EYS: variants seen among roughly 807,000 people sequenced by gnomAD.
EYS encodes EGF-like photoreceptor maintenance factor.
A neutral mutation model predicts 282.1 loss-of-function variants in EYS; 250 were observed. The observed-to-expected ratio is 0.89, with a 90% confidence interval of 0.80 to 0.98. EYS has a LOEUF of 0.98. Ranked by LOEUF, EYS falls within the 50% of genes least tolerant of loss-of-function variation. The probability of loss-of-function intolerance (pLI) is 0.00; values close to 1 mark genes in which losing one functional copy is unlikely to be tolerated. For synonymous variants in EYS, 1,355 were observed against 1,282.9 expected (o/e 1.06, Z -1.20); for missense variants, 4,016 against 3,709.0 (o/e 1.08, Z -2.15).
intron 1 of EYS, among the ~76,000 whole-genome samples, chr6:65,676,398 G>T (rs749026547): frequency 2.0e-5 from 3 of 151,812 alleles, no homozygotes; most frequent in Non-Finnish European, 2.9e-5. Flanking sequence ...TGATGCCACA[G>T]AAATTAAGAT....
intron 7 of EYS, among the ~76,000 whole-genome samples, chr6:65,393,615 C>T (rs901120767): frequency 6.6e-6 from 1 of 152,098 alleles, no homozygotes; most frequent in Non-Finnish European, 1.5e-5. Flanking sequence ...ACAGTGCATA[C>T]TTAGTTAGTT....
intron 33 of EYS, among the ~76,000 whole-genome samples, chr6:64,053,784 G>T (rs1476133231): frequency 6.6e-6 from 1 of 152,030 alleles, no homozygotes. Context: ...ATTTAACCTT[G>T]AAGGCCCTCT....
At chr6:64,934,280 T>A in intron 15 of EYS, among the ~76,000 whole-genome samples, 1 of 150,194 alleles carries the variant, frequency 6.7e-6, no homozygotes, top group East Asian at 2.0e-4. Context: ...AAAAAATAAA[T>A]AAATGAGTAG....
intron 28 of EYS, among the ~76,000 whole-genome samples, chr6:64,402,139 T>C (rs1265232350): frequency 2.6e-5 from 4 of 152,164 alleles, no homozygotes; most frequent in African/African-American, 4.8e-5. Flanking sequence ...TAAGACTTTA[T>C]CTAAGATCCA....
chr6:64,196,997 T>C (rs975638181), intron 31 of EYS, among the ~76,000 whole-genome samples: 1 of 152,166 alleles, frequency 6.6e-6, no homozygotes, highest in African/African-American at 2.4e-5. Context: ...TTTTGCAAGT[T>C]TTAAGTGTTT....
In EYS at chr6:65,077,449, T is replaced by A. The variant is rs147214727; in HGVS notation, c.2024-19722A>T. 5.6e-4 allele frequency among the ~76,000 whole-genome samples: 85 copies of A among 152,228 alleles called. 1 individual carries two copies. The South Asian group carries it at 7.5e-3, about 13-fold the overall frequency. On this transcript the variant is annotated intron_variant, in intron 12 of 42. Coordinates refer to ENST00000503581, the MANE Select transcript of EYS (RefSeq NM_001142800.2). The stretch of plus-strand genomic sequence containing the variant: ...AGGCACTGAAGAAAACGCTCTAGGT[T>A]TATAATGAAATTGCATGGTATTAAG...
At chr6:64,998,171 C>T (rs1771338415) in intron 13 of EYS, among the ~76,000 whole-genome samples, 1 of 152,144 alleles carries the variant, frequency 6.6e-6, no homozygotes, top group Non-Finnish European at 1.5e-5. Flanking sequence ...TGATAATGAG[C>T]TACTTAAGCC....
chr6:64,842,797 CA>C (rs1765602124), intron 19 of EYS, among the ~76,000 whole-genome samples: 1 of 152,004 alleles, frequency 6.6e-6, no homozygotes, highest in Non-Finnish European at 1.5e-5. Context: ...AGCGTTCAAG[CA>C]GTGACTTGGG....
At chr6:65,244,183 T>C (rs1378306332) in intron 12 of EYS, among the ~76,000 whole-genome samples, 4 of 152,228 alleles carry the variant, frequency 2.6e-5, no homozygotes, top group Admixed American at 2.6e-4. Context: ...GAACAGATTA[T>C]ACAACTTTTT....
chr6:64,476,709 A>G lies in EYS; in HGVS notation c.5645-37357T>C, dbSNP rs192205152. Among the ~76,000 whole-genome samples, 4 of 152,238 alleles carry G rather than the reference A, an allele frequency of 2.6e-5. No individual in the cohort carries two copies. The East Asian group carries it at 7.7e-4, about 29-fold the overall frequency. On this transcript the variant is annotated intron_variant, in intron 26 of 42. Coordinates refer to ENST00000503581, the MANE Select transcript of EYS (RefSeq NM_001142800.2). ...AGCCAATGTCAATTTAAAATAATTT[A>G]TTTCCTTCAAAGATATTTAAATATG...
rs533819234 is a variant in EYS, at chr6:64,853,984, C to A, written c.2993-31162G>T. On this transcript the variant is annotated intron_variant, in intron 19 of 42. Transcript: ENST00000503581. ...CAAAATAAGACATTTATGCAGCCAA[C>A]AGACACATGAAAAAATGCTCATCAT... Among the ~76,000 whole-genome samples the A allele has an allele frequency of 6.1e-3, 933 of 152,042 alleles. 4 individuals carry two copies. The highest frequency in any genetic ancestry group is 8.7e-3 in the Non-Finnish European group (594 of 67,980).
At position 65,542,351 on chromosome 6, in the gene EYS, T is replaced by G. The variant is rs545909570; in HGVS notation, c.-332-46358A>C. The stretch of plus-strand genomic sequence containing the variant: ...TTTACAATATACCATTAAATTTGTA[T>G]TTGAGTGAACATTGTATAACCACCA... On this transcript the variant is annotated intron_variant, in intron 2 of 42. Coordinates refer to ENST00000503581, the MANE Select transcript of EYS (RefSeq NM_001142800.2). 2.0e-5 allele frequency among the ~76,000 whole-genome samples: 3 copies of G among 152,256 alleles called. No homozygotes were observed. In the East Asian group the frequency reaches 5.8e-4, roughly 29 times the overall value.
chr6:64,151,317 TTATATATATATA>T (rs61575285), intron 31 of EYS, among the ~76,000 whole-genome samples: 924 of 52,446 alleles, frequency 0.018, 14 homozygotes, highest in Admixed American at 0.022. Context: ...GTGTGTATAT[TTATATATATATA>T]TATATATATA....
At chr6:64,101,847 TTTCCTGCAACTAGATGG>T (rs537139716) in intron 31 of EYS, among the ~76,000 whole-genome samples, 44 of 152,124 alleles carry the variant, frequency 2.9e-4, no homozygotes, top group African/African-American at 1.0e-3. Context: ...CTGAGCTTGT[TTTCCTGCAACTAGATGG>T]TCCCATCTGG....
intron 2 of EYS, among the ~76,000 whole-genome samples, chr6:65,621,909 A>C (rs185646274): frequency 1.2e-4 from 18 of 152,336 alleles, no homozygotes; most frequent in Admixed American, 1.1e-3. Context: ...GTTAATTAAC[A>C]GGTGTTTATA....
chr6:65,608,671 A>G (rs1765887842), intron 2 of EYS, among the ~76,000 whole-genome samples: 1 of 152,076 alleles, frequency 6.6e-6, no homozygotes, highest in Non-Finnish European at 1.5e-5. Context: ...ACCGTAAAAA[A>G]TATGTTCTTG....
chr6:64,661,363 C>A (rs36172067), intron 22 of EYS, among the ~76,000 whole-genome samples: 97,206 of 151,884 alleles, frequency 0.64, 31,326 homozygotes, highest in African/African-American at 0.71. Flanking sequence ...AAAGCAATGG[C>A]AACAAAAGCC....
chr6:65,704,547 T>C (rs1769805593), intron 1 of EYS, among the ~76,000 whole-genome samples: 1 of 152,210 alleles, frequency 6.6e-6, no homozygotes, highest in South Asian at 2.1e-4. Context: ...TCTTCAGACT[T>C]TGATGTGGTT....
intron 37 of EYS, among the ~76,000 whole-genome samples, chr6:63,803,490 G>A (rs896463361): frequency 1.3e-5 from 2 of 152,108 alleles, no homozygotes; most frequent in Non-Finnish European, 2.9e-5. Flanking sequence ...CTGTAACAAA[G>A]GCTCCACATC....
Sources: allele counts gnomAD v4.1 joint callset (sites outside exome capture counted in the v4.1 genomes callset), GRCh38; gene constraint gnomAD v4.1.1; transcripts MANE v1.5; gene names NCBI Gene and HGNC (gene_info 2026-07-23, HGNC 2026-07-21).